The following ZNF565 variants were observed in gnomAD, a reference collection of about 807,000 sequenced individuals.
ZNF565 encodes the protein zinc finger protein 565.
In ZNF565, 27 loss-of-function variants were observed where a neutral mutation model predicts 39.4. That is an observed-to-expected ratio of 0.69 (90% CI 0.51 to 0.95). ZNF565 has a LOEUF of 0.95. ZNF565 is among the 40% of genes least tolerant of loss of function. The pLI, the probability that ZNF565 is intolerant of heterozygous loss-of-function variation, is 0.00. For missense variants in ZNF565, 524 were observed against 621.1 expected, an observed-to-expected ratio of 0.84 and a Z score of 1.66; for synonymous variants, 185 against 216.6, an observed-to-expected ratio of 0.85 and a Z score of 1.28.
intron 1 of ZNF565, among the ~76,000 whole-genome samples, chr19:36,232,934 G>A (rs1007783981): frequency 6.6e-6 from 1 of 152,024 alleles, no homozygotes; most frequent in Non-Finnish European, 1.5e-5. Context: ...AAATGCTGAA[G>A]GAATAGTTAA....
chr19:36,227,959 G>A (rs927899555), intron 1 of ZNF565, among the ~76,000 whole-genome samples: 1 of 151,992 alleles, frequency 6.6e-6, no homozygotes, highest in African/African-American at 2.4e-5. Context: ...TCAGGAGTTC[G>A]AGACCAGCCT....
Position 36,183,046 on chromosome 19 carries a change from T to A in ZNF565, c.920A>T (p.Tyr307Phe), listed in dbSNP as rs763500170. Residue 307 changes from tyrosine (Y) to phenylalanine (F), a missense_variant, in exon 5 of 5, where the codon TAT (tyrosine) becomes TTT (phenylalanine). Tyr to Phe is a conservative substitution (Grantham distance 22). Transcript: ENST00000304116. ...GGCTTTCCCGCATTCTTTACACTCA[T>A]AGGGTCTGGCCCCTGTGTGGATTCT... is the stretch of plus-strand genomic sequence containing the variant. ...HRRIHTGARP[Y>F]ECKECGKAFR... 7 of 1,614,194 alleles carry A rather than the reference T, an allele frequency of 4.3e-6. No individual in the cohort carries two copies. The South Asian group carries it at 7.7e-5, about 18-fold the overall frequency.
At chr19:36,227,258 G>T (rs1430966663) in intron 1 of ZNF565, among the ~76,000 whole-genome samples, 1 of 144,992 alleles carries the variant, frequency 6.9e-6, no homozygotes, top group Non-Finnish European at 1.5e-5. Context: ...GTGTAGTGGC[G>T]CATGCCTGTA....
intron 1 of ZNF565, among the ~76,000 whole-genome samples, chr19:36,230,268 C>T (rs1054570581): frequency 6.6e-6 from 1 of 152,178 alleles, no homozygotes; most frequent in Non-Finnish European, 1.5e-5. Flanking sequence ...ATATTCACAT[C>T]CTACAAGTAT....
chr19:36,217,187 C>T (rs1050391051), upstream of ZNF565, among the ~76,000 whole-genome samples: 1 of 87,946 alleles, frequency 1.1e-5, no homozygotes, highest in Non-Finnish European at 2.4e-5. Context: ...CTCAGCCTCC[C>T]GAGTAGCTGG....
chr19:36,190,137 T>G (rs903490717), intron 4 of ZNF565, among the ~76,000 whole-genome samples: 1 of 151,898 alleles, frequency 6.6e-6, no homozygotes, highest in African/African-American at 2.4e-5. Context: ...CGTCCATACA[T>G]TGTTAATTTA....
chr19:36,184,090 A>T (rs1158110327), intron 4 of ZNF565, among the ~76,000 whole-genome samples: 3 of 149,448 alleles, frequency 2.0e-5, no homozygotes, highest in South Asian at 4.2e-4. Context: ...AAAAAAAAAA[A>T]AAAAAAAAAA....
intron 1 of ZNF565, among the ~76,000 whole-genome samples, chr19:36,234,719 C>G (rs1246229257): frequency 1.3e-5 from 2 of 152,164 alleles, no homozygotes; most frequent in Non-Finnish European, 2.9e-5. Context: ...TTGTCTTCAG[C>G]TGCAGAATGG....
intron 4 of ZNF565, among the ~76,000 whole-genome samples, chr19:36,193,089 G>A (rs1975622347): frequency 6.6e-6 from 1 of 151,834 alleles, no homozygotes; most frequent in Admixed American, 6.6e-5. Flanking sequence ...TCTGCCTCCT[G>A]GGTTCACGCC....
Position 36,182,907 on chromosome 19 carries a change from A to G in ZNF565, c.1059T>C (p.His353=). 6.2e-7 allele frequency: 1 copy of G among 1,614,012 alleles called. No homozygotes were observed. The highest frequency in any genetic ancestry group is 1.1e-5 in the South Asian group (1 of 91,076). ...GTTTCTCCCCAGAATGAATTCTTTG[A>G]TGTCGAGTAACTTCTGAGCTGTGAA... ...GFIHSSEVTR[H]QRIHSGEKPY... The change falls in exon 5 of 5, where the codon CAT becomes CAC. Residue 353 remains histidine (H), a synonymous_variant. Coordinates refer to ENST00000304116, the MANE Select transcript of ZNF565 (RefSeq NM_152477.5).
At chr19:36,189,680 A>G (rs938931753) in intron 4 of ZNF565, among the ~76,000 whole-genome samples, 1 of 152,106 alleles carries the variant, frequency 6.6e-6, no homozygotes, top group Non-Finnish European at 1.5e-5. Context: ...AAAGATTATT[A>G]TTTTTCAGAA....
chr19:36,223,443 A>G (rs975456097), intron 1 of ZNF565, among the ~76,000 whole-genome samples: 1 of 150,984 alleles, frequency 6.6e-6, no homozygotes, highest in African/African-American at 2.4e-5. Context: ...GCTCACTGCA[A>G]GCTCCGCCTC....
At chr19:36,205,468 C>A (rs146946986) in intron 1 of ZNF565, among the ~76,000 whole-genome samples, 12 of 151,924 alleles carry the variant, frequency 7.9e-5, no homozygotes, top group Non-Finnish European at 1.0e-4. Context: ...GCAGAGGTTG[C>A]GGTGAGCCGA....
intron 1 of ZNF565, among the ~76,000 whole-genome samples, chr19:36,224,142 A>G (rs978753381): frequency 6.6e-6 from 1 of 152,134 alleles, no homozygotes; most frequent in African/African-American, 2.4e-5. Flanking sequence ...AGCACTTTGC[A>G]AGGCCAAGGT....
Position 36,195,093 on chromosome 19 carries a change from G to A in ZNF565, c.73C>T (p.Pro25Ser), listed in dbSNP as rs762072516. Residue 25 changes from proline (P) to serine (S), a missense_variant, in exon 3 of 5, where the codon CCT (proline) becomes TCT (serine). Coordinates refer to ENST00000304116, the MANE Select transcript of ZNF565 (RefSeq NM_152477.5). ...FSLEEWKCLEPAQRDLYREVT... is the reference protein window; with the variant it reads ...FSLEEWKCLESAQRDLYREVT... ...TCCCTGTACAAGTCCCTCTGAGCAG[G>A]TTCCAGGCACTTCCATTCTTCCAGA... is the stretch of plus-strand genomic sequence containing the variant. 6.2e-7 allele frequency: 1 copy of A among 1,614,034 alleles called. No individual in the cohort carries two copies. Among genetic ancestry groups the A allele is most frequent in the Non-Finnish European group, 8.5e-7 (1 of 1,180,044 alleles).
chr19:36,236,382 C>T, intron 1 of ZNF565: 2 of 1,532,878 alleles, frequency 1.3e-6, no homozygotes, highest in Non-Finnish European at 1.7e-6. Context: ...TAAATCCTCA[C>T]TCATCAAGAA....
At chr19:36,233,296 C>A (rs1977473918) in intron 1 of ZNF565, among the ~76,000 whole-genome samples, 1 of 152,116 alleles carries the variant, frequency 6.6e-6, no homozygotes, top group African/African-American at 2.4e-5. Flanking sequence ...TCAAGAATCA[C>A]TTGAAGCCAG....
rs941313949 is a variant in ZNF565, at chr19:36,245,408, G to A, written c.55+68C>T. On this transcript the variant is annotated intron_variant, in intron 1 of 4. Coordinates refer to the ZNF565 transcript ENST00000355114. The surrounding 1 kb of genome is among the most constrained non-coding windows in gnomAD (Gnocchi z 4.4). ...GTCACTGCGACCCGGAAAGCTCCGC[G>A]CTTACGACGCCCACCCAGAAAATCC... is the stretch of plus-strand genomic sequence containing the variant. The A allele has an allele frequency of 1.4e-6, 1 of 700,788 alleles. No individual in the cohort carries two copies. Among genetic ancestry groups the A allele is most frequent in the Non-Finnish European group, 2.6e-6 (1 of 383,976 alleles). The allele number at this position is 700,788 out of a possible 1,614,324, so 43.4% of individuals were successfully genotyped here.
At chr19:36,187,822 T>C (rs183667724) in intron 4 of ZNF565, among the ~76,000 whole-genome samples, 1 of 150,488 alleles carries the variant, frequency 6.6e-6, no homozygotes, top group Non-Finnish European at 1.5e-5. Context: ...TATCTTTTAG[T>C]AGAGAAGGGG....
Sources: gnomAD v4.1 joint callset for allele counts (sites outside exome capture counted in the v4.1 genomes callset) on GRCh38, gnomAD v4.1.1 for gene constraint, Gnocchi (gnomAD v3.1) non-coding constraint, MANE v1.5 for transcripts, NCBI Gene and HGNC (gene_info 2026-07-23, HGNC 2026-07-21) for gene names.